Variants in ANKS1B observed in about 807,000 individuals in gnomAD.
The protein encoded by ANKS1B is ankyrin repeat and sterile alpha motif domain-containing protein 1B.
Under a neutral mutation model 148.3 loss-of-function variants are expected in ANKS1B, and 36 were observed. The observed-to-expected ratio is 0.24, with a 90% CI of 0.19 to 0.32. ANKS1B has a LOEUF of 0.32. Ranked by LOEUF, ANKS1B falls within the 10% of genes least tolerant of loss-of-function variation. The pLI is 1.00. For synonymous variants in ANKS1B, 542 were observed against 560.8 expected (o/e 0.97, Z 0.47); for missense variants, 1,157 against 1,542.6 (o/e 0.75, Z 4.19).
chr12:99,817,769 A>G (rs2082056773), intron 2 of ANKS1B, among the ~76,000 whole-genome samples: 1 of 151,824 alleles, frequency 6.6e-6, no homozygotes, highest in Non-Finnish European at 1.5e-5. Flanking sequence ...AGTGAGGTTA[A>G]GCATTTTTTC....
chr12:99,118,367 G>T (rs1163311107), intron 15 of ANKS1B, among the ~76,000 whole-genome samples: 2 of 152,132 alleles, frequency 1.3e-5, no homozygotes, highest in African/African-American at 4.8e-5. Flanking sequence ...ATTTTCTTCT[G>T]TACATTGGCA....
intron 12 of ANKS1B, among the ~76,000 whole-genome samples, chr12:99,270,334 T>A (rs2076905741): frequency 3.3e-5 from 5 of 152,142 alleles, no homozygotes; most frequent in Non-Finnish European, 7.4e-5. Flanking sequence ...CCTATTCTGA[T>A]CCCTAATTTA....
chr12:99,611,563 A>T (rs554497165), intron 9 of ANKS1B, among the ~76,000 whole-genome samples: 4 of 152,266 alleles, frequency 2.6e-5, no homozygotes, highest in African/African-American at 9.6e-5. Flanking sequence ...CCTCTGTGAT[A>T]AATGAGACAG....
intron 12 of ANKS1B, among the ~76,000 whole-genome samples, chr12:99,373,381 T>C (rs762754934): frequency 1.3e-5 from 2 of 152,180 alleles, no homozygotes; most frequent in African/African-American, 2.4e-5. Flanking sequence ...CTTTTGTTTT[T>C]GCTTGACTAG....
intron 15 of ANKS1B, among the ~76,000 whole-genome samples, chr12:99,149,792 T>C (rs1369654259): frequency 6.6e-6 from 1 of 152,258 alleles, no homozygotes; most frequent in Middle Eastern, 3.4e-3. Flanking sequence ...CAAGCTATGA[T>C]AGATTTTACC....
At chr12:99,840,866 A>G (rs918285553) in intron 1 of ANKS1B, among the ~76,000 whole-genome samples, 7 of 152,158 alleles carry the variant, frequency 4.6e-5, no homozygotes, top group Non-Finnish European at 8.8e-5. Flanking sequence ...TGTCTTGTTG[A>G]TGAATTTAAC....
At chr12:99,772,585 G>A (rs1475433151) in intron 8 of ANKS1B, 1 of 165,574 alleles carries the variant, frequency 6.0e-6, no homozygotes, top group Non-Finnish European at 1.3e-5. Context: ...GAAGACAGTC[G>A]AAAGGAAGGT....
intron 17 of ANKS1B, among the ~76,000 whole-genome samples, chr12:98,981,711 T>C (rs943618020): frequency 1.3e-5 from 2 of 152,214 alleles, no homozygotes; most frequent in African/African-American, 4.8e-5. Flanking sequence ...ATTTCCCAAA[T>C]CTGTTTTAGA....
chr12:99,808,057 T>C (rs889840645), intron 3 of ANKS1B, among the ~76,000 whole-genome samples: 1 of 152,122 alleles, frequency 6.6e-6, no homozygotes, highest in African/African-American at 2.4e-5. Flanking sequence ...CCATGCTCTT[T>C]CCACTATACC....
intron 12 of ANKS1B, among the ~76,000 whole-genome samples, chr12:99,287,672 T>A (rs2079323338): frequency 2.0e-5 from 3 of 152,284 alleles, no homozygotes; most frequent in African/African-American, 7.2e-5. Context: ...AGAGAAGGAA[T>A]TCAGAATCTT....
chr12:99,383,597 C>A (rs2093732185), intron 12 of ANKS1B, among the ~76,000 whole-genome samples: 1 of 152,114 alleles, frequency 6.6e-6, no homozygotes, highest in South Asian at 2.1e-4. Flanking sequence ...CAGGTTTTGA[C>A]AAAAATATTA....
chr12:98,813,533 T>G lies in ANKS1B; in HGVS notation c.3067-5615A>C, dbSNP rs541524697. ...TGCCCAGTCTTAAATTTAAGTTTTGTTTTTTTTTTTCTTTTTTGGTGGCAT... is the reference window on the plus strand; with the variant it reads ...TGCCCAGTCTTAAATTTAAGTTTTGGTTTTTTTTTTCTTTTTTGGTGGCAT... On this transcript the variant is annotated intron_variant, in intron 19 of 26. Coordinates refer to ENST00000683438, the MANE Select transcript of ANKS1B (RefSeq NM_001352186.2). Among the ~76,000 whole-genome samples the G allele has an allele frequency of 6.5e-5, 9 of 138,486 alleles. No homozygotes were observed. The East Asian group carries it at 1.7e-3, about 26-fold the overall frequency. The allele number at this position is 138,486 out of a possible 152,430, so 90.9% of individuals were successfully genotyped here.
rs536748165 is a variant in ANKS1B, at chr12:99,258,057, G to A, written c.1757-11193C>T. On this transcript the variant is annotated intron_variant, in intron 12 of 26. Coordinates refer to ENST00000683438, the MANE Select transcript of ANKS1B (RefSeq NM_001352186.2). ...ACCTAGACTGACATAATACTTTGAA[G>A]CATAATATTTTTATTTAAAAATGTA... Among the ~76,000 whole-genome samples, 3 of 152,224 alleles carry A rather than the reference G, an allele frequency of 2.0e-5. No homozygotes were observed. In the South Asian group the frequency reaches 6.2e-4, roughly 32 times the overall value.
chr12:99,305,120 G>A (rs1024620944), intron 12 of ANKS1B, among the ~76,000 whole-genome samples: 1 of 151,802 alleles, frequency 6.6e-6, no homozygotes, highest in African/African-American at 2.4e-5. Flanking sequence ...AGAGAGATGG[G>A]GGAGGTCCTA....
chr12:99,425,998 G>A (rs994151369), intron 11 of ANKS1B, among the ~76,000 whole-genome samples: 4 of 152,014 alleles, frequency 2.6e-5, no homozygotes, highest in African/African-American at 7.2e-5. Context: ...GATTATGTTC[G>A]AAATATTGAC....
chr12:99,096,231 T>C (rs2056062672), intron 15 of ANKS1B, among the ~76,000 whole-genome samples: 1 of 152,196 alleles, frequency 6.6e-6, no homozygotes, highest in African/African-American at 2.4e-5. Context: ...TTTAGGTCCT[T>C]TGTAATCTGG....
chr12:99,096,516 C>T lies in ANKS1B; in HGVS notation c.2527-11493G>A, dbSNP rs2056181862. ...GTGGGCAGACAGGCAGGAGGCTAAC[C>T]CCACGAAGGGCTAAACTAAAAGCTG... On this transcript the variant is annotated intron_variant, in intron 15 of 26. Transcript: ENST00000683438. 1.3e-5 allele frequency among the ~76,000 whole-genome samples: 2 copies of T among 152,080 alleles called. 1 individual carries two copies. The highest frequency in any genetic ancestry group is 4.1e-4 in the South Asian group (2 of 4,828).
At chr12:99,786,616 T>C (rs1424585161) in intron 4 of ANKS1B, among the ~76,000 whole-genome samples, 3 of 152,138 alleles carry the variant, frequency 2.0e-5, no homozygotes, top group African/African-American at 7.2e-5. Flanking sequence ...TACACTCACA[T>C]GGTAAGTTTA....
At chr12:99,595,739 T>G (rs2097753334) in intron 9 of ANKS1B, among the ~76,000 whole-genome samples, 2 of 151,962 alleles carry the variant, frequency 1.3e-5, no homozygotes, top group Non-Finnish European at 2.9e-5. Context: ...TTAACACCTT[T>G]AAATAAATGA....
Sources: gnomAD v4.1 joint callset for allele counts (sites outside exome capture counted in the v4.1 genomes callset) on GRCh38, gnomAD v4.1.1 for gene constraint, MANE v1.5 for transcripts, NCBI Gene and HGNC (gene_info 2026-07-23, HGNC 2026-07-21) for gene names.